GAD2: variants seen among roughly 807,000 people sequenced by gnomAD.
GAD2 encodes 65 kDa glutamic acid decarboxylase.
A neutral mutation model predicts 80.1 loss-of-function variants in GAD2; 22 were observed. The ratio of observed to expected loss-of-function variants is 0.27; its 90% confidence interval spans 0.20 to 0.39. The LOEUF (loss-of-function observed/expected upper bound fraction) is 0.39. GAD2 is among the 10% of genes least tolerant of loss of function. The pLI is 1.00. For synonymous variants in GAD2, 274 were observed against 256.9 expected, an observed-to-expected ratio of 1.07 and a Z score of -0.64; for missense variants, 624 against 738.4, an observed-to-expected ratio of 0.85 and a Z score of 1.80.
intron 7 of GAD2, among the ~76,000 whole-genome samples, chr10:26,233,407 G>A (rs1156328753): frequency 6.6e-6 from 1 of 152,152 alleles, no homozygotes; most frequent in Non-Finnish European, 1.5e-5. Context: ...CATCTCGTAG[G>A]GTTGGGCTGG....
intron 8 of GAD2, among the ~76,000 whole-genome samples, chr10:26,261,602 T>G (rs1320639820): frequency 6.6e-6 from 1 of 152,202 alleles, no homozygotes; most frequent in Non-Finnish European, 1.5e-5. Flanking sequence ...GAATTTTCTA[T>G]CTCTTTAAGA....
intron 8 of GAD2, among the ~76,000 whole-genome samples, chr10:26,265,787 G>A (rs1845066363): frequency 6.6e-6 from 1 of 152,218 alleles, no homozygotes; most frequent in South Asian, 2.1e-4. Context: ...CAGGCACCAG[G>A]CGATGCTTGT....
chr10:26,218,500 C>G (rs1462388268), intron 3 of GAD2, among the ~76,000 whole-genome samples: 1 of 151,908 alleles, frequency 6.6e-6, no homozygotes, highest in Non-Finnish European at 1.5e-5. Context: ...CCCAAATGTA[C>G]GCGCGCACAC....
At chr10:26,258,812 ATT>A (rs59176915) in intron 8 of GAD2, among the ~76,000 whole-genome samples, 52,243 of 144,818 alleles carry the variant, frequency 0.36, 10,243 homozygotes, top group African/African-American at 0.55. Context: ...GCTTCCACCA[ATT>A]TTTTTTTTTT....
intron 8 of GAD2, among the ~76,000 whole-genome samples, chr10:26,258,611 C>T (rs1341376168): frequency 6.6e-6 from 1 of 152,190 alleles, no homozygotes; most frequent in Non-Finnish European, 1.5e-5. Context: ...ATGGGTACCT[C>T]ACTCACATGA....
At chr10:26,247,690 G>C (rs1844825712) in intron 8 of GAD2, among the ~76,000 whole-genome samples, 1 of 151,972 alleles carries the variant, frequency 6.6e-6, no homozygotes. Context: ...GAGGTCAGGA[G>C]TTCAAGACCA....
rs1349035803 is a variant in GAD2 at position 26,219,074 on chromosome 10, C to T, written c.318C>T (p.Pro106=). The stretch of plus-strand genomic sequence containing the variant: ...TGCCGGCGTGTGATGGAGAAAGGCC[C>T]ACTTTGGCGTTTCTGCAAGATGTTA... The part of the protein sequence containing the change: ...DLLPACDGER[P]TLAFLQDVMN... Residue 106 remains proline (P), a synonymous_variant, in exon 4 of 16, where the codon CCC becomes CCT. Transcript: ENST00000376261. 1 of 1,596,404 alleles carries T rather than the reference C, an allele frequency of 6.3e-7. No homozygotes were observed. Among genetic ancestry groups the T allele is most frequent in the Non-Finnish European group, 8.5e-7 (1 of 1,171,156 alleles).
chr10:26,249,557 GC>G (rs1410576599), intron 8 of GAD2, among the ~76,000 whole-genome samples: 1 of 152,250 alleles, frequency 6.6e-6, no homozygotes, highest in Non-Finnish European at 1.5e-5. Flanking sequence ...TTCCTTGCTA[GC>G]CTTGGTAGCT....
chr10:26,284,301 C>T lies in GAD2; in HGVS notation c.1237-2044C>T, dbSNP rs1044365131. 6.6e-5 allele frequency among the ~76,000 whole-genome samples: 10 copies of T among 152,266 alleles called. 1 individual carries two copies. Among genetic ancestry groups the T allele is most frequent in the Admixed American group, 6.5e-4 (10 of 15,298 alleles). On this transcript the variant is annotated intron_variant, in intron 12 of 15. Coordinates refer to ENST00000376261, the MANE Select transcript of GAD2 (RefSeq NM_001134366.2). The stretch of plus-strand genomic sequence containing the variant: ...TGTTATTTCAGGGCTTACTGGGGCC[C>T]TTAATATGCTGATAATTATTGCAGT...
chr10:26,253,339 G>C (rs1192072071), intron 8 of GAD2, among the ~76,000 whole-genome samples: 1 of 152,202 alleles, frequency 6.6e-6, no homozygotes, highest in African/African-American at 2.4e-5. Context: ...ATTCAGTGAT[G>C]AGGTTGATGA....
At chr10:26,261,977 A>G (rs574289958) in intron 8 of GAD2, among the ~76,000 whole-genome samples, 5 of 152,306 alleles carry the variant, frequency 3.3e-5, no homozygotes, top group Admixed American at 3.3e-4. Flanking sequence ...ATGCAATGCG[A>G]ATCTTGAATT....
At chr10:26,227,719 G>A (rs747579694) in intron 6 of GAD2, among the ~76,000 whole-genome samples, 1 of 152,202 alleles carries the variant, frequency 6.6e-6, no homozygotes, top group Non-Finnish European at 1.5e-5. Context: ...GCCCTCACCA[G>A]TTATGTTGCC....
rs149451829 is a variant in GAD2 at position 26,232,244 on chromosome 10, C to T, written c.840+2467C>T. 3.3e-5 allele frequency among the ~76,000 whole-genome samples: 5 copies of T among 152,148 alleles called. No homozygotes were observed. The East Asian group carries it at 7.7e-4, about 23-fold the overall frequency. On this transcript the variant is annotated intron_variant, in intron 7 of 15. Transcript: ENST00000376261. ...AAAGTCCAGATGATCTTTTATTGGG[C>T]GTCTTTTTCTTTTGGCTTCCAAGCT...
intron 8 of GAD2, among the ~76,000 whole-genome samples, chr10:26,264,040 T>C (rs1334281046): frequency 1.3e-5 from 2 of 152,242 alleles, no homozygotes; most frequent in Non-Finnish European, 2.9e-5. Context: ...CTGCAAGTCA[T>C]ATAATGCTAA....
At chr10:26,267,385 G>A (rs759876505) in intron 8 of GAD2, among the ~76,000 whole-genome samples, 5 of 152,208 alleles carry the variant, frequency 3.3e-5, no homozygotes, top group African/African-American at 1.2e-4. Flanking sequence ...AGCACAGCCT[G>A]ATCTGATCAG....
chr10:26,296,567 T>A (rs557091955), intron 15 of GAD2, among the ~76,000 whole-genome samples: 48 of 152,288 alleles, frequency 3.2e-4, no homozygotes, highest in Non-Finnish European at 6.2e-4. Flanking sequence ...GATGAATGCT[T>A]GGGGCACTAT....
intron 8 of GAD2, among the ~76,000 whole-genome samples, chr10:26,259,385 G>A (rs8190687): frequency 2.0e-4 from 30 of 152,002 alleles, no homozygotes; most frequent in Non-Finnish European, 2.2e-4. Flanking sequence ...TTTTTGGTTC[G>A]TTTGCTTGTT....
At chr10:26,219,949 G>T (rs1844432730) in intron 4 of GAD2, among the ~76,000 whole-genome samples, 1 of 152,180 alleles carries the variant, frequency 6.6e-6, no homozygotes, top group African/African-American at 2.4e-5. Flanking sequence ...GGGCAAATCA[G>T]ATATCCTTAG....
intron 8 of GAD2, among the ~76,000 whole-genome samples, chr10:26,258,681 T>G (rs1179406366): frequency 6.6e-6 from 1 of 152,228 alleles, no homozygotes; most frequent in Non-Finnish European, 1.5e-5. Flanking sequence ...TCCTCAAGGT[T>G]CATCCATGTT....
Sources: allele counts gnomAD v4.1 joint callset (sites outside exome capture counted in the v4.1 genomes callset), GRCh38; gene constraint gnomAD v4.1.1; transcripts MANE v1.5; gene names NCBI Gene and HGNC (gene_info 2026-07-23, HGNC 2026-07-21).